The following ZNF441 variants were observed in gnomAD, a reference collection of about 807,000 sequenced individuals.
The protein encoded by ZNF441 is zinc finger protein 441.
In ZNF441, 25 loss-of-function variants were observed where a neutral mutation model predicts 64.5. The ratio of observed to expected loss-of-function variants is 0.39; its 90% confidence interval spans 0.28 to 0.54. The LOEUF is 0.54. Among genes scored for constraint, ZNF441 ranks in the 20% least tolerant of loss-of-function variants. ZNF441 has a pLI of 0.70. For synonymous variants in ZNF441, 262 were observed against 268.0 expected (o/e 0.98, Z 0.22); for missense variants, 715 against 843.3 (o/e 0.85, Z 1.88).
At chr19:11,770,121 G>T (rs981634530) in intron 1 of ZNF441, among the ~76,000 whole-genome samples, 3 of 152,124 alleles carry the variant, frequency 2.0e-5, no homozygotes, top group East Asian at 1.9e-4. Flanking sequence ...CAGAAAAGAG[G>T]TTTAATTGAC....
At chr19:11,772,472 A>T (rs1338902925) in intron 1 of ZNF441, among the ~76,000 whole-genome samples, 1 of 152,328 alleles carries the variant, frequency 6.6e-6, no homozygotes, top group East Asian at 1.9e-4. Flanking sequence ...TTTAGCTGCT[A>T]GCATTCAGGA....
Position 11,780,183 on chromosome 19 carries a change from G to T in ZNF441, c.359G>T (p.Cys120Phe). 1 of 1,614,166 alleles carries T rather than the reference G, an allele frequency of 6.2e-7. No homozygotes were observed. The highest frequency in any genetic ancestry group is 8.5e-7 in the Non-Finnish European group (1 of 1,180,034). ...CTCATGGGTCGTTCATCTCTTAATT[G>T]CTACGTTAGAGTTGACAGTGAACAC... is the stretch of plus-strand genomic sequence containing the variant. ...DVLMGRSSLN[C>F]YVRVDSEHKP... Residue 120 changes from cysteine to phenylalanine, a missense_variant, in exon 4 of 4, where the codon TGC becomes TTC. Cys to Phe is a radical substitution (Grantham distance 205, BLOSUM62 -2). Around this residue, in one of 2 missense-constraint regions of ZNF441, gnomAD observed 399 missense variants for 413.9 expected, o/e 0.96. Transcript: ENST00000357901.
chr19:11,780,119 G>A lies in ZNF441; in HGVS notation c.295G>A (p.Gly99Arg). ...CAGTATTGTGAACGAGAAAATACCT[G>A]GAGTAGATCCATGGGAAAGCAGTGA... ...QDSIVNEKIPGVDPWESSECT... is the reference protein window; with the variant it reads ...QDSIVNEKIPRVDPWESSECT... Residue 99 changes from glycine (G) to arginine (R), a missense_variant, in exon 4 of 4, where the codon GGA (glycine) becomes AGA (arginine). Physicochemically the swap from Gly to Arg is moderately radical, Grantham distance 125. Coordinates refer to ENST00000357901, the MANE Select transcript of ZNF441 (RefSeq NM_152355.3). 6.2e-7 allele frequency: 1 copy of A among 1,614,124 alleles called. No homozygotes were observed. Among genetic ancestry groups the A allele is most frequent in the Non-Finnish European group, 8.5e-7 (1 of 1,180,010 alleles).
intron 2 of ZNF441, 128 bp downstream of exon 2, chr19:11,777,865 A>G: frequency 9.5e-7 from 1 of 1,049,302 alleles, no homozygotes; most frequent in Non-Finnish European, 1.4e-6. Context: ...CCAAGCAGTC[A>G]TACATCTTCT....
chr19:11,771,132 G>T (rs1035601483), intron 1 of ZNF441, among the ~76,000 whole-genome samples: 14 of 152,094 alleles, frequency 9.2e-5, no homozygotes, highest in Non-Finnish European at 1.9e-4. Flanking sequence ...CCAAAAGCTG[G>T]TTCCTTCAAA....
In ZNF441 at chr19:11,780,589, A is replaced by C; in HGVS notation, c.765A>C (p.Lys255Asn). Residue 255 changes from lysine (K) to asparagine (N), a missense_variant, in exon 4 of 4, where the codon AAA (lysine) becomes AAC (asparagine). Physicochemically the swap from Lys to Asn is moderately conservative, Grantham distance 94. Coordinates refer to ENST00000357901, the MANE Select transcript of ZNF441 (RefSeq NM_152355.3). ...GTGGAGAGAAACCCTATCAATGTAA[A>C]CAATGTGGGAAAGCCTTCAGTTGTT... Reference protein sequence around the residue: ...THSGEKPYQCKQCGKAFSCSC... With the variant: ...THSGEKPYQCNQCGKAFSCSC... The C allele has an allele frequency of 6.2e-7, 1 of 1,614,184 alleles. No individual in the cohort carries two copies. Among genetic ancestry groups the C allele is most frequent in the South Asian group, 1.1e-5 (1 of 91,080 alleles).
chr19:11,779,528 G>A (rs1178826353), intron 3 of ZNF441, among the ~76,000 whole-genome samples: 2 of 151,594 alleles, frequency 1.3e-5, no homozygotes, highest in Non-Finnish European at 2.9e-5. Flanking sequence ...GGCAGATCAC[G>A]AGGTCAGGAG....
In ZNF441 at chr19:11,780,505, G is replaced by T. The variant is rs1032496756; in HGVS notation, c.681G>T (p.Glu227Asp). The change falls in exon 4 of 4, where the codon GAG becomes GAT. Residue 227 changes from glutamate to aspartate, a missense_variant. This residue lies in a region of ZNF441 where 399 missense variants were observed against 413.9 expected (regional missense o/e 0.96). Coordinates refer to ENST00000357901, the MANE Select transcript of ZNF441 (RefSeq NM_152355.3). The part of the protein sequence containing the change: ...THTEEKPYEY[E>D]QCSTAFPAYS... ...CTGAAGAGAAACCATATGAATATGA[G>T]CAGTGTTCTACAGCGTTTCCTGCTT... 6.2e-7 allele frequency: 1 copy of T among 1,614,114 alleles called. No individual in the cohort carries two copies. The highest frequency in any genetic ancestry group is 1.7e-5 in the Admixed American group (1 of 60,016).
At chr19:11,779,322 A>G (rs1430627478) in intron 3 of ZNF441, among the ~76,000 whole-genome samples, 291 of 140,604 alleles carry the variant, frequency 2.1e-3, no homozygotes, top group African/African-American at 8.2e-3. Context: ...CAGTTTCAAA[A>G]AAAAAAAAAA....
intron 1 of ZNF441, among the ~76,000 whole-genome samples, chr19:11,773,285 T>A (rs1270272925): frequency 1.3e-5 from 2 of 152,222 alleles, no homozygotes; most frequent in Non-Finnish European, 2.9e-5. Context: ...ATTGCTACTT[T>A]AATTATAATA....
chr19:11,781,989 A>C lies in ZNF441; in HGVS notation c.*83A>C, dbSNP rs1205022624. 21 of 1,182,274 alleles carry C rather than the reference A, an allele frequency of 1.8e-5. No homozygotes were observed. The East Asian group carries it at 5.1e-4, about 29-fold the overall frequency. The allele number at this position is 1,182,274 out of a possible 1,614,324, so 73.2% of individuals were successfully genotyped here. On this transcript the variant is annotated 3_prime_UTR_variant, in exon 4 of 4. Transcript: ENST00000357901. ...ACAAATACATAAGAGACTCACACTGAAAAAAGTTGTATGAATATAAAAATG... is the reference window on the plus strand; with the variant it reads ...ACAAATACATAAGAGACTCACACTGCAAAAAGTTGTATGAATATAAAAATG...
intron 3 of ZNF441, among the ~76,000 whole-genome samples, chr19:11,779,756 A>T (rs1975382903): frequency 6.6e-6 from 1 of 151,806 alleles, no homozygotes. Context: ...CAAAAAAAAA[A>T]AAAAATCAGC....
chr19:11,771,108 A>G (rs1194464552), intron 1 of ZNF441, among the ~76,000 whole-genome samples: 2 of 152,232 alleles, frequency 1.3e-5, no homozygotes, highest in Non-Finnish European at 2.9e-5. Flanking sequence ...AAATCAGTAG[A>G]AAACATTAAC....
chr19:11,768,702 G>C (rs768350954), intron 1 of ZNF441, among the ~76,000 whole-genome samples: 1 of 152,238 alleles, frequency 6.6e-6, no homozygotes, highest in Non-Finnish European at 1.5e-5. Flanking sequence ...ATGATGCCCT[G>C]TAGTGGGAGG....
At chr19:11,772,164 T>C (rs1026226582) in intron 1 of ZNF441, among the ~76,000 whole-genome samples, 1 of 149,034 alleles carries the variant, frequency 6.7e-6, no homozygotes, top group African/African-American at 2.5e-5. Context: ...CCACGTGACC[T>C]TACCTATCAT....
rs543665464 is a variant in ZNF441 at position 11,779,825 on chromosome 19, G to C, written c.195-194G>C. On this transcript the variant is annotated intron_variant, in intron 3 of 3. Coordinates refer to ENST00000357901, the MANE Select transcript of ZNF441 (RefSeq NM_152355.3). The stretch of plus-strand genomic sequence containing the variant: ...ATTTGAGAGGCTGGGGTGGGAGGAT[G>C]GTTTGAGTCCGGGAGGTGGAGGTTG... Among the ~76,000 whole-genome samples, 334 of 151,122 alleles carry C rather than the reference G, an allele frequency of 2.2e-3. 3 individuals are homozygous for C. Among genetic ancestry groups the C allele is most frequent in the African/African-American group, 7.6e-3 (311 of 41,154 alleles).
chr19:11,767,036 T>A lies in ZNF441; in HGVS notation c.-158T>A. Reference sequence around the variant, plus strand: ...GCACTGACCGGAGGAGGGTGCAAGGTTCAAAGAGCCCGCCGAGTCTTCTCC... The same window carrying A: ...GCACTGACCGGAGGAGGGTGCAAGGATCAAAGAGCCCGCCGAGTCTTCTCC... On this transcript the variant is annotated 5_prime_UTR_variant, in exon 1 of 4. Transcript: ENST00000357901. This position sits in a 1 kb window ranked among gnomAD's most constrained non-coding sequence, Gnocchi z 5.1. The A allele has an allele frequency of 8.9e-7, 1 of 1,122,338 alleles. No individual in the cohort carries two copies. Among genetic ancestry groups the A allele is most frequent in the Non-Finnish European group, 1.3e-6 (1 of 781,876 alleles). 69.5% of individuals were successfully genotyped at this position (1,122,338 alleles called of 1,614,324 possible). A position where few individuals can be genotyped will look rare whatever the true frequency, so the allele number is the denominator to read the frequency against.
In ZNF441 at chr19:11,781,279, T is replaced by G; in HGVS notation, c.1455T>G (p.Ser485=). ...YECKQCGKAL[S]HLKSFQRHMI... ...GTAAGCAGTGTGGAAAAGCACTTTC[T>G]CATCTGAAAAGCTTTCAGAGACACA... The change falls in exon 4 of 4, where the codon TCT becomes TCG. Residue 485 remains serine, a synonymous_variant. Transcript: ENST00000357901. 1 of 1,613,664 alleles carries G rather than the reference T, an allele frequency of 6.2e-7. No homozygotes were observed. The highest frequency in any genetic ancestry group is 1.1e-5 in the South Asian group (1 of 91,060).
rs544210062 is a variant in ZNF441 at position 11,777,522 on chromosome 19, A to C, written c.4-89A>C. ...GTTCTTGAATAAATGCTTGGAAACC[A>C]CAGCATCATGTGAAGGTTATGAAGT... is the stretch of plus-strand genomic sequence containing the variant. On this transcript the variant is annotated intron_variant, in intron 1 of 3. Coordinates refer to ENST00000357901, the MANE Select transcript of ZNF441 (RefSeq NM_152355.3). The C allele has an allele frequency of 4.9e-4, 705 of 1,453,284 alleles. 1 individual carries two copies. Among genetic ancestry groups the C allele is most frequent in the Non-Finnish European group, 6.0e-4 (644 of 1,072,418 alleles). The allele number at this position is 1,453,284 out of a possible 1,614,324, so 90.0% of individuals were successfully genotyped here.
Sources: gnomAD v4.1 joint callset for allele counts (sites outside exome capture counted in the v4.1 genomes callset) on GRCh38, gnomAD v4.1.1 for gene constraint, gnomAD v4.1.1 regional missense constraint, Gnocchi (gnomAD v3.1) non-coding constraint, MANE v1.5 for transcripts, NCBI Gene and HGNC (gene_info 2026-07-23, HGNC 2026-07-21) for gene names.